The following SZRD1 variants were observed in gnomAD, a reference collection of about 807,000 sequenced individuals.
SZRD1 encodes SUZ RNA-binding domain-containing.
In SZRD1, 7 loss-of-function variants were observed where a neutral mutation model predicts 17.6. The observed-to-expected ratio is 0.40, with a 90% CI of 0.23 to 0.75. The LOEUF (loss-of-function observed/expected upper bound fraction) is 0.75, where lower values mean the gene tolerates loss of function less well. SZRD1 is among the 30% of genes least tolerant of loss of function. The probability of loss-of-function intolerance (pLI) is 0.38; values close to 1 mark genes in which losing one functional copy is unlikely to be tolerated. For synonymous variants in SZRD1, 77 were observed against 77.9 expected, an observed-to-expected ratio of 0.99 and a Z score of 0.06; for missense variants, 178 against 201.8, an observed-to-expected ratio of 0.88 and a Z score of 0.71.
intron 1 of SZRD1, among the ~76,000 whole-genome samples, chr1:16,384,458 G>A (rs1479474802): frequency 6.6e-6 from 1 of 151,794 alleles, no homozygotes; most frequent in African/African-American, 2.4e-5. Flanking sequence ...AGATTTTGCT[G>A]TTGTAGATTG....
At chr1:16,380,937 A>T (rs2083090258) in intron 1 of SZRD1, among the ~76,000 whole-genome samples, 1 of 151,884 alleles carries the variant, frequency 6.6e-6, no homozygotes, top group Non-Finnish European at 1.5e-5. Context: ...TAAAGAAAAA[A>T]ATAGCTGGGC....
intron 1 of SZRD1, among the ~76,000 whole-genome samples, chr1:16,389,275 GT>G (rs563918876): frequency 0.099 from 11,130 of 112,846 alleles, 575 homozygotes; most frequent in Non-Finnish European, 0.12. Flanking sequence ...TTGAGGGGGG[GT>G]GGGGGGGGGG....
At chr1:16,374,381 AAGG>A (rs1265819509) in intron 1 of SZRD1, among the ~76,000 whole-genome samples, 2 of 152,186 alleles carry the variant, frequency 1.3e-5, no homozygotes, top group African/African-American at 4.8e-5. Context: ...GCTTCAAAGA[AAGG>A]AGGATAATGA....
Position 16,393,101 on chromosome 1 carries a change from G to A in SZRD1, c.102-127G>A, listed in dbSNP as rs2085244437. The stretch of plus-strand genomic sequence containing the variant: ...GTGGAAATTTTGCTGTCTGGTCAGA[G>A]GCCAGAGAATCATGCATGGGTAGAA... On this transcript the variant is annotated intron_variant, in intron 2 of 3. Coordinates refer to ENST00000401088, the MANE Select transcript of SZRD1 (RefSeq NM_001114600.3). This position sits in a 1 kb window ranked among gnomAD's most constrained non-coding sequence, Gnocchi z 5.6. 2 of 1,339,220 alleles carry A rather than the reference G, an allele frequency of 1.5e-6. No individual in the cohort carries two copies. The highest frequency in any genetic ancestry group is 1.9e-4 in the Middle Eastern group (1 of 5,286). 83.0% of individuals were successfully genotyped at this position (1,339,220 alleles called of 1,614,324 possible). A position where few individuals can be genotyped will look rare whatever the true frequency, so the allele number is the denominator to read the frequency against.
chr1:16,393,916 G>A lies in SZRD1; in HGVS notation c.356+434G>A, dbSNP rs2085260504. On this transcript the variant is annotated intron_variant, in intron 3 of 3. Coordinates refer to ENST00000401088, the MANE Select transcript of SZRD1 (RefSeq NM_001114600.3). This position sits in a 1 kb window ranked among gnomAD's most constrained non-coding sequence, Gnocchi z 5.6. Reference sequence around the variant, plus strand: ...TTCAGTGAGTAAATGAGCATAGGATGTGGAGAGCCTGGGCTGGCAGAGTGG... The same window carrying A: ...TTCAGTGAGTAAATGAGCATAGGATATGGAGAGCCTGGGCTGGCAGAGTGG... Among the ~76,000 whole-genome samples the A allele has an allele frequency of 6.6e-6, 1 of 152,234 alleles. No individual in the cohort carries two copies. The highest frequency in any genetic ancestry group is 2.1e-4 in the South Asian group (1 of 4,836).
At chr1:16,379,737 C>T (rs1173980205) in intron 1 of SZRD1, among the ~76,000 whole-genome samples, 2 of 149,696 alleles carry the variant, frequency 1.3e-5, no homozygotes, top group Admixed American at 1.3e-4. Flanking sequence ...CAAGATATAT[C>T]TATAAAATCC....
chr1:16,380,668 A>G lies in SZRD1; in HGVS notation c.52-10707A>G, dbSNP rs191498619. ...TTTTCCGTAGAGACGGGGTTTCTCC[A>G]TGTTGGTCAGGCTGGTCTCAAACTC... is the stretch of plus-strand genomic sequence containing the variant. On this transcript the variant is annotated intron_variant, in intron 1 of 3. Transcript: ENST00000401088. Among the ~76,000 whole-genome samples, 149 of 152,144 alleles carry G rather than the reference A, an allele frequency of 9.8e-4. 1 individual carries two copies. The highest frequency in any genetic ancestry group is 3.3e-3 in the African/African-American group (137 of 41,528).
At chr1:16,373,001 G>A (rs2082939248) in intron 1 of SZRD1, among the ~76,000 whole-genome samples, 3 of 152,048 alleles carry the variant, frequency 2.0e-5, no homozygotes, top group Non-Finnish European at 2.9e-5. Context: ...GTCTGGGAGA[G>A]GCAGGTAGAG....
chr1:16,371,142 T>C lies in SZRD1; in HGVS notation c.51+3834T>C, dbSNP rs116109038. Among the ~76,000 whole-genome samples the C allele has an allele frequency of 4.5e-3, 679 of 152,302 alleles. 6 individuals carry two copies. The highest frequency in any genetic ancestry group is 0.016 in the African/African-American group (654 of 41,566). ...AAAAATCCAGCGGCAGTTCTAATCC[T>C]TGGAAGTAAAGGATTTTGGAGATCC... On this transcript the variant is annotated intron_variant, in intron 1 of 3. Coordinates refer to ENST00000401088, the MANE Select transcript of SZRD1 (RefSeq NM_001114600.3).
At chr1:16,394,165 TGAA>T (rs572179061) in intron 3 of SZRD1, among the ~76,000 whole-genome samples, 2 of 152,316 alleles carry the variant, frequency 1.3e-5, no homozygotes, top group African/African-American at 4.8e-5. Context: ...TTCTGGGACT[TGAA>T]GAAAAAATCT....
chr1:16,385,315 A>G (rs2083170449), intron 1 of SZRD1, among the ~76,000 whole-genome samples: 1 of 152,090 alleles, frequency 6.6e-6, no homozygotes, highest in African/African-American at 2.4e-5. Flanking sequence ...AAAGGGTGAG[A>G]CACCCCCTCT....
intron 1 of SZRD1, among the ~76,000 whole-genome samples, chr1:16,382,329 A>G (rs1204469214): frequency 7.3e-5 from 11 of 151,194 alleles, no homozygotes; most frequent in Admixed American, 5.3e-4. Flanking sequence ...CTGGGACTAC[A>G]GGTGCACGCC....
Position 16,397,656 on chromosome 1 carries a change from C to T in SZRD1, c.*2516C>T, listed in dbSNP as rs954974646. ...GCTAACCGCTTCCCATGAGCCACTA[C>T]TCTGATGTCAGCCTATAACCAAAGG... On this transcript the variant is annotated 3_prime_UTR_variant, in exon 4 of 4. Transcript: ENST00000401088. The surrounding 1 kb of genome is among the most constrained non-coding windows in gnomAD (Gnocchi z 5.4). The T allele has an allele frequency of 2.0e-5, 3 of 152,514 alleles. No homozygotes were observed. The highest frequency in any genetic ancestry group is 7.2e-5 in the African/African-American group (3 of 41,458). The allele number at this position is 152,514 out of a possible 1,614,324, so 9.4% of individuals were successfully genotyped here.
intron 2 of SZRD1, among the ~76,000 whole-genome samples, chr1:16,392,983 C>G (rs1024553166): frequency 6.6e-6 from 1 of 152,202 alleles, no homozygotes; most frequent in Non-Finnish European, 1.5e-5. Context: ...GGCGTTCCAG[C>G]CCCTGTGGCC....
Position 16,395,072 on chromosome 1 carries a change from C to T in SZRD1, c.391C>T (p.Gln131Ter). The change falls in exon 4 of 4, where the codon CAG becomes TAG. Residue 131 changes from glutamine (Q) to a stop codon, truncating the protein, a stop_gained. Transcript: ENST00000401088. LOFTEE classifies it high-confidence loss of function. Reference protein sequence around the residue: ...TRISQPEDSRQPNNVIRQPLG... With the variant: ...TRISQPEDSR ...GATCTCCCAACCCGAAGACAGCAGG[C>T]AGCCCAATAATGTGATCAGACAGCC... 6.2e-7 allele frequency: 1 copy of T among 1,613,812 alleles called. No homozygotes were observed. The highest frequency in any genetic ancestry group is 1.1e-5 in the South Asian group (1 of 91,074).
chr1:16,398,129 A>G lies in SZRD1; in HGVS notation c.*2989A>G, dbSNP rs1244880299. On this transcript the variant is annotated 3_prime_UTR_variant, in exon 4 of 4. Transcript: ENST00000401088. ...ATTTTATAAATTGTATTTTAAATAC[A>G]TGTTTTAAACTTGTCAGATCTTTGT... The G allele has an allele frequency of 1.9e-6, 1 of 522,834 alleles. No homozygotes were observed. The highest frequency in any genetic ancestry group is 2.5e-6 in the Non-Finnish European group (1 of 407,246). The allele number at this position is 522,834 out of a possible 1,614,324, so 32.4% of individuals were successfully genotyped here.
chr1:16,393,474 C>G lies in SZRD1; in HGVS notation c.348C>G (p.Ile116Met), dbSNP rs1295633692. Residue 116 changes from isoleucine to methionine, a missense_variant, in exon 3 of 4, where the codon ATC becomes ATG. By Grantham distance (10) the Ile-to-Met change is conservative (BLOSUM62 1). Transcript: ENST00000401088. This position sits in a 1 kb window ranked among gnomAD's most constrained non-coding sequence, Gnocchi z 5.6. ...CCGAGGAGGAGCAGGAGAAACCCAT[C>G]CTCGACAGGTGAGTGTGGCTGGCAG... ...ASPEEEQEKP[I>M]LDRPTRISQP... 6.2e-7 allele frequency: 1 copy of G among 1,610,528 alleles called. No homozygotes were observed. The highest frequency in any genetic ancestry group is 1.7e-5 in the Admixed American group (1 of 59,546).
At chr1:16,378,549 A>G (rs1034801308) in intron 1 of SZRD1, among the ~76,000 whole-genome samples, 6 of 151,904 alleles carry the variant, frequency 3.9e-5, no homozygotes, top group East Asian at 1.9e-4. Flanking sequence ...CGGCCTCGCA[A>G]AGTGTTGGGA....
chr1:16,371,417 C>T (rs2082910400), intron 1 of SZRD1, among the ~76,000 whole-genome samples: 1 of 150,194 alleles, frequency 6.7e-6, no homozygotes. Flanking sequence ...GCTCCCATCC[C>T]TCTGCTCCCC....
Sources: gnomAD v4.1 joint callset for allele counts (sites outside exome capture counted in the v4.1 genomes callset) on GRCh38, gnomAD v4.1.1 for gene constraint, Gnocchi (gnomAD v3.1) non-coding constraint, MANE v1.5 for transcripts, NCBI Gene and HGNC (gene_info 2026-07-23, HGNC 2026-07-21) for gene names.